The following RGS6 variants were observed in gnomAD, a reference collection of about 807,000 sequenced individuals.
RGS6 encodes regulator of G protein signaling 6, also known as regulator of G-protein signaling 6.
RGS6 carries 30 observed loss-of-function variants against 78.5 expected under a neutral mutation model. That is an observed-to-expected ratio of 0.38 (90% CI 0.29 to 0.52). The LOEUF (loss-of-function observed/expected upper bound fraction) is 0.52. Ranked by LOEUF, RGS6 falls within the 20% of genes least tolerant of loss-of-function variation. The probability of loss-of-function intolerance (pLI) is 0.85; values close to 1 mark genes in which losing one functional copy is unlikely to be tolerated. For missense variants in RGS6, 495 were observed against 609.7 expected (o/e 0.81, Z 1.98); for synonymous variants, 206 against 206.0 (o/e 1.00, Z 0.00).
At chr14:72,188,073 G>A (rs1379938473) in intron 2 of RGS6, among the ~76,000 whole-genome samples, 1 of 151,758 alleles carries the variant, frequency 6.6e-6, no homozygotes, top group African/African-American at 2.4e-5. Context: ...TCCAAGGATA[G>A]TGCCAGCCTA....
chr14:72,427,935 A>G (rs2094492566), intron 3 of RGS6, among the ~76,000 whole-genome samples: 1 of 152,030 alleles, frequency 6.6e-6, no homozygotes, highest in African/African-American at 2.4e-5. Context: ...GGCATCAAAA[A>G]GCAAGAAAGA....
chr14:72,237,517 C>T (rs1274916728), intron 2 of RGS6, among the ~76,000 whole-genome samples: 1 of 152,142 alleles, frequency 6.6e-6, no homozygotes, highest in African/African-American at 2.4e-5. Flanking sequence ...TTCGTAACTA[C>T]CTGCTGAAGA....
chr14:72,272,872 A>C (rs935662973), intron 2 of RGS6, among the ~76,000 whole-genome samples: 2 of 152,192 alleles, frequency 1.3e-5, no homozygotes, highest in Admixed American at 1.3e-4. Flanking sequence ...CCCAACACTT[A>C]GGGAGGCCAA....
chr14:72,379,091 G>C (rs1467445394), intron 3 of RGS6, among the ~76,000 whole-genome samples: 1 of 152,028 alleles, frequency 6.6e-6, no homozygotes, highest in Non-Finnish European at 1.5e-5. Flanking sequence ...TTATGTGATT[G>C]TCTCCAAAGA....
chr14:72,477,671 A>C (rs1229110439), intron 11 of RGS6, among the ~76,000 whole-genome samples: 3 of 151,646 alleles, frequency 2.0e-5, no homozygotes, highest in African/African-American at 7.3e-5. Context: ...GTGGCGTGTG[A>C]CTATAATCCC....
At chr14:72,273,064 G>T (rs964850406) in intron 2 of RGS6, among the ~76,000 whole-genome samples, 76 of 151,714 alleles carry the variant, frequency 5.0e-4, no homozygotes, top group Admixed American at 3.3e-4. Context: ...TGCAGTGAGT[G>T]GAGGTTGCAG....
At position 72,535,868 on chromosome 14, in the gene RGS6, A is replaced by G. The variant is rs1308384169; in HGVS notation, c.1279-318A>G. Among the ~76,000 whole-genome samples the G allele has an allele frequency of 2.6e-5, 4 of 152,208 alleles. No homozygotes were observed. In the East Asian group the frequency reaches 5.8e-4, roughly 22 times the overall value. On this transcript the variant is annotated intron_variant, in intron 15 of 17. Transcript: ENST00000553525. Reference sequence around the variant, plus strand: ...ATTCATCCAAGTTGTTGTTGGGTGTAAGAACAGTTTGTTCCTCCTCATTGC... The same window carrying G: ...ATTCATCCAAGTTGTTGTTGGGTGTGAGAACAGTTTGTTCCTCCTCATTGC...
chr14:72,176,697 A>C (rs1252321356), intron 2 of RGS6, among the ~76,000 whole-genome samples: 4 of 152,186 alleles, frequency 2.6e-5, no homozygotes, highest in Non-Finnish European at 5.9e-5. Flanking sequence ...ATTTGAATCT[A>C]CCTGAATAGA....
intron 2 of RGS6, among the ~76,000 whole-genome samples, chr14:72,235,809 A>G (rs2050865141): frequency 6.6e-6 from 1 of 152,258 alleles, no homozygotes; most frequent in Admixed American, 6.5e-5. Context: ...TCAGGTGTCC[A>G]GTACTGCTTA....
the RGS6 span, among the ~76,000 whole-genome samples, chr14:71,882,479 C>A: frequency 3.9e-5 from 6 of 152,080 alleles, no homozygotes; most frequent in Non-Finnish European, 8.8e-5. Flanking sequence ...ATATGTGGTT[C>A]GTTAAGAAAA....
chr14:72,167,829 G>C (rs2096950090), intron 2 of RGS6, among the ~76,000 whole-genome samples: 2 of 152,150 alleles, frequency 1.3e-5, no homozygotes, highest in Non-Finnish European at 1.5e-5. Context: ...ATATTAAATA[G>C]CTGGGGGTGA....
At chr14:72,456,488 T>G (rs1226748095) in intron 4 of RGS6, among the ~76,000 whole-genome samples, 1 of 152,202 alleles carries the variant, frequency 6.6e-6, no homozygotes, top group Non-Finnish European at 1.5e-5. Flanking sequence ...GAGATGGGGA[T>G]CTCACTGTGT....
intron 2 of RGS6, among the ~76,000 whole-genome samples, chr14:72,055,973 CTG>C (rs1401776174): frequency 6.6e-6 from 1 of 152,136 alleles, no homozygotes; most frequent in Non-Finnish European, 1.5e-5. Context: ...TTTCTTATAA[CTG>C]TGGATCTCAA....
chr14:71,943,212 G>T (rs2090929294), intron 1 of RGS6, among the ~76,000 whole-genome samples: 1 of 152,080 alleles, frequency 6.6e-6, no homozygotes, highest in Non-Finnish European at 1.5e-5. Context: ...GAGCACAACA[G>T]GCATTTTAAA....
At chr14:72,590,753 G>A in the RGS6 span, among the ~76,000 whole-genome samples, 479 of 152,290 alleles carry the variant, frequency 3.1e-3, 2 homozygotes, top group African/African-American at 0.011. Context: ...GAAGTCTAGC[G>A]GATAAGGTCC....
chr14:72,075,642 C>G (rs2094547752), intron 2 of RGS6, among the ~76,000 whole-genome samples: 1 of 152,122 alleles, frequency 6.6e-6, no homozygotes, highest in African/African-American at 2.4e-5. Context: ...TTGTTAACAT[C>G]TTGTTATTTA....
intron 2 of RGS6, among the ~76,000 whole-genome samples, chr14:72,272,403 T>TA (rs2060078084): frequency 6.6e-6 from 1 of 152,210 alleles, no homozygotes; most frequent in African/African-American, 2.4e-5. Context: ...TGAGTGTCAG[T>TA]AGGCAAGTTG....
At chr14:72,280,109 C>G (rs1203349491) in intron 2 of RGS6, among the ~76,000 whole-genome samples, 1 of 152,064 alleles carries the variant, frequency 6.6e-6, no homozygotes, top group Non-Finnish European at 1.5e-5. Context: ...TCCCCACCGC[C>G]ACGCCCCCAC....
At chr14:71,867,561 C>G in the RGS6 span, among the ~76,000 whole-genome samples, 1 of 152,102 alleles carries the variant, frequency 6.6e-6, no homozygotes, top group African/African-American at 2.4e-5. Context: ...AACTCCAAGA[C>G]AAGTGGAAGG....
Sources: allele counts gnomAD v4.1 joint callset (sites outside exome capture counted in the v4.1 genomes callset), GRCh38; gene constraint gnomAD v4.1.1; transcripts MANE v1.5; gene names NCBI Gene and HGNC (gene_info 2026-07-23, HGNC 2026-07-21).